IGF2R: variants seen among roughly 807,000 people sequenced by gnomAD.
IGF2R encodes the protein insulin like growth factor 2 receptor, also known as cation-independent mannose-6-phosphate receptor.
Under a neutral mutation model 270.6 loss-of-function variants are expected in IGF2R, and 91 were observed. The observed-to-expected ratio is 0.34, with a 90% confidence interval of 0.28 to 0.40. The LOEUF (loss-of-function observed/expected upper bound fraction) is 0.40, where lower values mean the gene tolerates loss of function less well. Among genes scored for constraint, IGF2R ranks in the 10% least tolerant of loss-of-function variants. The probability of loss-of-function intolerance (pLI) is 1.00; values close to 1 mark genes in which losing one functional copy is unlikely to be tolerated. For missense variants in IGF2R, 2,805 were observed against 3,188.3 expected (o/e 0.88, Z 2.90); for synonymous variants, 1,316 against 1,258.9 (o/e 1.05, Z -0.96).
chr6:160,104,657 C>T lies in IGF2R; in HGVS notation c.7066-17C>T. 1 of 1,603,098 alleles carries T rather than the reference C, an allele frequency of 6.2e-7. No homozygotes were observed. Among genetic ancestry groups the T allele is most frequent in the Non-Finnish European group, 8.5e-7 (1 of 1,174,248 alleles). On this transcript the variant is annotated splice_polypyrimidine_tract_variant and intron_variant, in intron 47 of 47. Coordinates refer to ENST00000356956, the MANE Select transcript of IGF2R (RefSeq NM_000876.4). ...TCTTAGGGGGCTCACGTGGTCTCTG[C>T]TGTTGATCCCTGGCAGGTGAATAAG...
At chr6:160,032,762 C>G (rs17847614) in intron 8 of IGF2R, 49 bp downstream of exon 8, 2 of 1,591,460 alleles carry the variant, frequency 1.3e-6, no homozygotes, top group Middle Eastern at 1.8e-4. Context: ...AGAAGGGGAT[C>G]GAGAGAGGGA....
rs1406103154 is a variant in IGF2R at position 160,029,640 on chromosome 6, G to A, written c.867G>A (p.Pro289=). 1.6e-5 allele frequency: 26 copies of A among 1,612,632 alleles called. No homozygotes were observed. The highest frequency in any genetic ancestry group is 2.2e-5 in the Non-Finnish European group (26 of 1,178,810). Residue 289 remains proline (P), a synonymous_variant, in exon 7 of 48, where the codon CCG becomes CCA. Coordinates refer to ENST00000356956, the MANE Select transcript of IGF2R (RefSeq NM_000876.4). ...SPAVTITFVC[P]SERREGTIPK... is the part of the protein sequence containing the mutation. ...CGGTGACTATTACATTTGTTTGCCC[G>A]TCGGAGCGGAGAGAGGTAAGTGACT...
chr6:160,098,711 C>G (rs1779419840), intron 45 of IGF2R, among the ~76,000 whole-genome samples: 1 of 152,056 alleles, frequency 6.6e-6, no homozygotes, highest in South Asian at 2.1e-4. Context: ...CGCAGCTACT[C>G]AGAAGGCTGA....
At position 160,050,709 on chromosome 6, in the gene IGF2R, G is replaced by T; in HGVS notation, c.2694+57G>T. The T allele has an allele frequency of 3.4e-6, 5 of 1,473,658 alleles. No homozygotes were observed. The highest frequency in any genetic ancestry group is 1.4e-5 in the African/African-American group (1 of 72,130). The allele number at this position is 1,473,658 out of a possible 1,614,324, so 91.3% of individuals were successfully genotyped here. A position where few individuals can be genotyped will look rare whatever the true frequency, so the allele number is the denominator to read the frequency against. ...CTGCTGCATTTTTTGACTGAGCGTT[G>T]CCTTATGTGTCTCTTAACAGCAGCA... On this transcript the variant is annotated intron_variant, in intron 19 of 47. Transcript: ENST00000356956. The surrounding 1 kb of genome is among the most constrained non-coding windows in gnomAD (Gnocchi z 4.0).
intron 47 of IGF2R, 72 bp from the exon 48 acceptor site, chr6:160,104,602 A>C (rs1779570114): frequency 1.3e-6 from 2 of 1,497,342 alleles, no homozygotes; most frequent in Admixed American, 3.7e-5. Context: ...AGCATCCCTG[A>C]TGTGGTGGAT....
In IGF2R at chr6:160,065,776, A is replaced by ATGTG. The variant is rs1366588708; in HGVS notation, c.4115+877_4115+880dup. The stretch of plus-strand genomic sequence containing the variant: ...CACATAAAGCATTTTTCCTAGAGAT[A>ATGTG]TGTGTATGTGTGTGTGTGTGTGTGT... On this transcript the variant is annotated intron_variant, in intron 29 of 47. Coordinates refer to ENST00000356956, the MANE Select transcript of IGF2R (RefSeq NM_000876.4). Among the ~76,000 whole-genome samples the ATGTG allele has an allele frequency of 2.1e-3, 233 of 109,770 alleles. 5 individuals are homozygous for ATGTG. The highest frequency in any genetic ancestry group is 0.019 in the Middle Eastern group (4 of 214). The allele number at this position is 109,770 out of a possible 152,430, so 72.0% of individuals were successfully genotyped here.
At chr6:160,012,950 T>G (rs548584575) in intron 4 of IGF2R, among the ~76,000 whole-genome samples, 2 of 151,672 alleles carry the variant, frequency 1.3e-5, no homozygotes, top group Admixed American at 6.6e-5. Context: ...TCCTCAAGTG[T>G]CCAGTTGGCC....
At chr6:159,994,429 G>T (rs6929993) in intron 2 of IGF2R, among the ~76,000 whole-genome samples, 2,122 of 148,836 alleles carry the variant, frequency 0.014, 49 homozygotes, top group African/African-American at 0.049. Flanking sequence ...TGCATTTTTT[G>T]GGGGGGGTCT....
chr6:160,079,067 C>T (rs1778917514), intron 37 of IGF2R, among the ~76,000 whole-genome samples: 1 of 152,196 alleles, frequency 6.6e-6, no homozygotes, highest in Non-Finnish European at 1.5e-5. Context: ...GTTTTGGGCC[C>T]AGGTGTCAAC....
chr6:160,097,671 G>C (rs1476436411), intron 45 of IGF2R, among the ~76,000 whole-genome samples: 1 of 152,168 alleles, frequency 6.6e-6, no homozygotes, highest in Non-Finnish European at 1.5e-5. Flanking sequence ...TCTGTCCTGA[G>C]ACTTTAAGAT....
chr6:160,087,634 ATT>A (rs573746198), intron 41 of IGF2R, among the ~76,000 whole-genome samples: 1 of 152,220 alleles, frequency 6.6e-6, no homozygotes, highest in South Asian at 2.1e-4. Flanking sequence ...TTTAAACCAG[ATT>A]TTTACTCCTA....
Position 160,032,560 on chromosome 6 carries a change from C to A in IGF2R, c.892C>A (p.Pro298Thr). ...CPSERREGTI[P>T]KLTAKSNCRY... ...ACATTGTTCCTGATAGGGCACCATT[C>A]CCAAACTCACAGCTAAATCCAACTG... Residue 298 changes from proline to threonine, a missense_variant, in exon 8 of 48, where the codon CCC becomes ACC. Coordinates refer to ENST00000356956, the MANE Select transcript of IGF2R (RefSeq NM_000876.4). 6.2e-7 allele frequency: 1 copy of A among 1,613,818 alleles called. No individual in the cohort carries two copies. The highest frequency in any genetic ancestry group is 8.5e-7 in the Non-Finnish European group (1 of 1,179,842).
chr6:160,071,462 G>T (rs1190125278), intron 31 of IGF2R, among the ~76,000 whole-genome samples: 1 of 152,228 alleles, frequency 6.6e-6, no homozygotes, highest in Non-Finnish European at 1.5e-5. Context: ...AGCCTTGGCT[G>T]GTGCCAGTGG....
At chr6:160,088,704 T>C (rs1005204841) in intron 42 of IGF2R, among the ~76,000 whole-genome samples, 4 of 152,158 alleles carry the variant, frequency 2.6e-5, no homozygotes, top group African/African-American at 4.8e-5. Flanking sequence ...AATGTATGAG[T>C]CTGAGAAGCT....
chr6:160,047,753 C>T, intron 16 of IGF2R, 39 bp from the exon 17 acceptor site: 1 of 1,241,044 alleles, frequency 8.1e-7, no homozygotes, highest in Admixed American at 1.7e-5. Context: ...ACGTGTCTTT[C>T]TCTTTTTGCC....
rs574369203 is a variant in IGF2R at position 160,013,950 on chromosome 6, G to GA, written c.513+3173dup. The stretch of plus-strand genomic sequence containing the variant: ...TATAAAAACCTCATCATTCCCTAAA[G>GA]AAAAAAAATCTCAATTTGGTTTAGT... On this transcript the variant is annotated intron_variant, in intron 4 of 47. Coordinates refer to ENST00000356956, the MANE Select transcript of IGF2R (RefSeq NM_000876.4). 1.6e-4 allele frequency among the ~76,000 whole-genome samples: 24 copies of GA among 151,854 alleles called. 1 individual carries two copies. The East Asian group carries it at 4.3e-3, about 27-fold the overall frequency.
intron 7 of IGF2R, among the ~76,000 whole-genome samples, chr6:160,032,047 C>T (rs1040415321): frequency 6.6e-6 from 1 of 152,160 alleles, no homozygotes; most frequent in Non-Finnish European, 1.5e-5. Flanking sequence ...TGGTGGTGCC[C>T]AGGATCCCAA....
At position 160,034,459 on chromosome 6, in the gene IGF2R, G is replaced by A. The variant is rs1399820096; in HGVS notation, c.1252G>A (p.Asp418Asn). Residue 418 changes from aspartate (D) to asparagine (N), a missense_variant, in exon 10 of 48, where the codon GAT becomes AAT. By Grantham distance (23) the Asp-to-Asn change is conservative. Coordinates refer to ENST00000356956, the MANE Select transcript of IGF2R (RefSeq NM_000876.4). ...CCTCACCTTGATATATTTTGGAGGT[G>A]ATGAATGCAGCTCAGGGTTTCAGCG... ...GDLTLIYFGG[D>N]ECSSGFQRMS... The A allele has an allele frequency of 6.2e-7, 1 of 1,610,818 alleles. No homozygotes were observed. The highest frequency in any genetic ancestry group is 2.2e-5 in the East Asian group (1 of 44,804).
chr6:159,985,884 T>C (rs566868412), intron 1 of IGF2R, among the ~76,000 whole-genome samples: 1 of 152,360 alleles, frequency 6.6e-6, no homozygotes, highest in South Asian at 2.1e-4. Context: ...TTATTTTTGC[T>C]GATTTTCTAG....
Sources: allele counts gnomAD v4.1 joint callset (sites outside exome capture counted in the v4.1 genomes callset), GRCh38; gene constraint gnomAD v4.1.1; non-coding constraint Gnocchi (gnomAD v3.1); transcripts MANE v1.5; gene names NCBI Gene and HGNC (gene_info 2026-07-23, HGNC 2026-07-21).